Variants in MAPK10 observed in about 807,000 individuals in gnomAD.
The protein encoded by MAPK10 is mitogen-activated protein kinase 10, also known as JNK3 alpha protein kinase.
In MAPK10, 25 loss-of-function variants were observed where a neutral mutation model predicts 59.3. That is an observed-to-expected ratio of 0.42 (90% CI 0.31 to 0.59). MAPK10 has a LOEUF of 0.59. Ranked by LOEUF, MAPK10 falls within the 20% of genes least tolerant of loss-of-function variation. MAPK10 has a pLI of 0.15. For synonymous variants in MAPK10, 190 were observed against 200.5 expected (o/e 0.95, Z 0.44); for missense variants, 351 against 568.9 (o/e 0.62, Z 3.90).
chr4:86,097,186 A>T lies in MAPK10; in HGVS notation c.802+1338T>A, dbSNP rs115513918. Among the ~76,000 whole-genome samples, 1,518 of 152,112 alleles carry T rather than the reference A, an allele frequency of 1.0e-2. 30 individuals carry two copies. Among genetic ancestry groups the T allele is most frequent in the African/African-American group, 0.034 (1,412 of 41,562 alleles). ...GGTATGCATTTTACACATAAAACAC[A>T]TTTCAATTTAGACTATAATTTCAAG... is the stretch of plus-strand genomic sequence containing the variant. On this transcript the variant is annotated intron_variant, in intron 9 of 13. Coordinates refer to ENST00000641462, the MANE Select transcript of MAPK10 (RefSeq NM_138982.4).
chr4:86,524,939 C>A (rs1260113420), intron 1 of MAPK10, among the ~76,000 whole-genome samples: 2 of 149,370 alleles, frequency 1.3e-5, no homozygotes, highest in Non-Finnish European at 3.0e-5. Flanking sequence ...GTGGAGTATG[C>A]AAAAATAATT....
intron 1 of MAPK10, among the ~76,000 whole-genome samples, chr4:86,429,109 C>T (rs1747695508): frequency 6.6e-6 from 1 of 152,044 alleles, no homozygotes; most frequent in African/African-American, 2.4e-5. Context: ...ATTTTTCTTT[C>T]TTTCTTTCTT....
rs1466167696 is a variant in MAPK10, at chr4:86,013,125, G to A, written c.*4103C>T. 6.6e-6 allele frequency: 1 copy of A among 152,140 alleles called. No individual in the cohort carries two copies. The highest frequency in any genetic ancestry group is 1.5e-5 in the Non-Finnish European group (1 of 68,020). The allele number at this position is 152,140 out of a possible 1,614,324, so 9.4% of individuals were successfully genotyped here. On this transcript the variant is annotated 3_prime_UTR_variant, in exon 14 of 14. Coordinates refer to ENST00000641462, the MANE Select transcript of MAPK10 (RefSeq NM_138982.4). ...AGAGGCCCCTCACTTCAGTTTGGCTGACCAAAGAAACAGGTCAAAGTGAGC... is the reference window on the plus strand; with the variant it reads ...AGAGGCCCCTCACTTCAGTTTGGCTAACCAAAGAAACAGGTCAAAGTGAGC...
intron 2 of MAPK10, among the ~76,000 whole-genome samples, chr4:86,250,234 G>C (rs2093341554): frequency 6.6e-6 from 1 of 152,126 alleles, no homozygotes; most frequent in African/African-American, 2.4e-5. Context: ...AAATCTGTTT[G>C]TCTTGGGCAA....
chr4:86,407,391 C>T (rs1234662886), intron 1 of MAPK10, among the ~76,000 whole-genome samples: 2 of 152,104 alleles, frequency 1.3e-5, no homozygotes, highest in Non-Finnish European at 2.9e-5. Context: ...AGGCATTTCT[C>T]CATACTTACA....
chr4:86,218,274 G>T (rs2088343874), intron 2 of MAPK10, among the ~76,000 whole-genome samples: 1 of 151,458 alleles, frequency 6.6e-6, no homozygotes, highest in African/African-American at 2.4e-5. Flanking sequence ...CGCCATCTCA[G>T]CTCACTGTAA....
At chr4:86,450,331 C>A (rs1750556033) in intron 1 of MAPK10, among the ~76,000 whole-genome samples, 1 of 152,140 alleles carries the variant, frequency 6.6e-6, no homozygotes, top group Non-Finnish European at 1.5e-5. Flanking sequence ...TCCAGAATAA[C>A]CCCAGACACT....
At chr4:86,131,655 G>A (rs2149141300) in intron 4 of MAPK10, among the ~76,000 whole-genome samples, 1 of 152,306 alleles carries the variant, frequency 6.6e-6, no homozygotes, top group African/African-American at 2.4e-5. Context: ...AATGCAATTA[G>A]TCAATTGTTT....
intron 1 of MAPK10, among the ~76,000 whole-genome samples, chr4:86,465,403 T>C (rs1225111520): frequency 6.6e-6 from 1 of 152,210 alleles, no homozygotes; most frequent in East Asian, 1.9e-4. Flanking sequence ...CAAGCCATAG[T>C]GGAAAGAATG....
intron 11 of MAPK10, among the ~76,000 whole-genome samples, chr4:86,057,869 T>C (rs1359288606): frequency 2.0e-5 from 3 of 149,870 alleles, no homozygotes; most frequent in Non-Finnish European, 3.0e-5. Context: ...GTCTTTCCTA[T>C]GGCAGCAGAA....
intron 4 of MAPK10, among the ~76,000 whole-genome samples, chr4:86,135,430 G>A (rs188344574): frequency 6.6e-6 from 1 of 152,294 alleles, no homozygotes; most frequent in African/African-American, 2.4e-5. Context: ...GGGGCACACT[G>A]AAACCTCACA....
chr4:86,052,985 G>A (rs906315443), intron 11 of MAPK10, among the ~76,000 whole-genome samples: 3 of 151,738 alleles, frequency 2.0e-5, no homozygotes, highest in Non-Finnish European at 4.4e-5. Context: ...TGTGCCTGGA[G>A]GGTATTTTTT....
rs1360812982 is a variant in MAPK10 at position 86,321,479 on chromosome 4, G to A, written c.-7+33051C>T. Among the ~76,000 whole-genome samples the A allele has an allele frequency of 1.3e-4, 20 of 150,464 alleles. No individual in the cohort carries two copies. The South Asian group carries it at 3.2e-3, about 24-fold the overall frequency. ...AAATCATCATTCTCAGTAAACTATC[G>A]CAAGAACAAAAAAACAAACACCGCA... On this transcript the variant is annotated intron_variant, in intron 2 of 13. Transcript: ENST00000641462.
intron 2 of MAPK10, among the ~76,000 whole-genome samples, chr4:86,333,664 C>G (rs1374792978): frequency 6.6e-6 from 1 of 152,162 alleles, no homozygotes; most frequent in African/African-American, 2.4e-5. Context: ...AGAAAAAGCC[C>G]ACAATCTCTG....
rs2047044076 is a variant in MAPK10, at chr4:86,067,852, G to A, written c.906C>T (p.Pro302=). Residue 302 remains proline (P), a synonymous_variant, in exon 10 of 14, where the codon CCC becomes CCT. Transcript: ENST00000641462. ...TGGGGAAGGTGAGTCCCGCATACTT[G>A]GGCCGATTCTCCACATAGTTTCTTA... The part of the protein sequence containing the change: ...PTVRNYVENR[P]KYAGLTFPKL... 20 of 1,614,034 alleles carry A rather than the reference G, an allele frequency of 1.2e-5. No individual in the cohort carries two copies. The highest frequency in any genetic ancestry group is 1.7e-5 in the Non-Finnish European group (20 of 1,179,964).
chr4:86,100,942 G>A (rs1446269178), intron 8 of MAPK10, 110 bp downstream of exon 8: 22 of 886,936 alleles, frequency 2.5e-5, no homozygotes, highest in Non-Finnish European at 3.6e-5. Flanking sequence ...CTATCTGGCA[G>A]CCCTACTTTA....
chr4:86,432,970 T>C (rs1342345999), intron 1 of MAPK10, among the ~76,000 whole-genome samples: 1 of 152,014 alleles, frequency 6.6e-6, no homozygotes, highest in Non-Finnish European at 1.5e-5. Flanking sequence ...AGGGAGGAAG[T>C]AGAACAAAGG....
intron 2 of MAPK10, among the ~76,000 whole-genome samples, chr4:86,204,355 A>T (rs1346334004): frequency 6.6e-6 from 1 of 151,982 alleles, no homozygotes; most frequent in Non-Finnish European, 1.5e-5. Context: ...TGTTTCTTAA[A>T]ATATTGTTCA....
upstream of MAPK10, among the ~76,000 whole-genome samples, chr4:86,360,896 T>C (rs911678763): frequency 6.6e-5 from 10 of 152,222 alleles, no homozygotes; most frequent in Admixed American, 6.5e-4. Flanking sequence ...AAATTTGTTT[T>C]ACCTTTTTTA....
Sources: gnomAD v4.1 joint callset for allele counts (sites outside exome capture counted in the v4.1 genomes callset) on GRCh38, gnomAD v4.1.1 for gene constraint, MANE v1.5 for transcripts, NCBI Gene and HGNC (gene_info 2026-07-23, HGNC 2026-07-21) for gene names.